The following SAMD12 variants were observed in gnomAD, a reference collection of about 807,000 sequenced individuals.
SAMD12 encodes sterile alpha motif domain containing 12.
SAMD12 carries 9 observed loss-of-function variants against 15.0 expected under a neutral mutation model. The ratio of observed to expected loss-of-function variants is 0.60; its 90% confidence interval spans 0.36 to 1.05. The LOEUF is 1.05. Among genes scored for constraint, SAMD12 ranks in the 50% least tolerant of loss-of-function variants. The pLI is 0.01. For missense variants in SAMD12, 230 were observed against 234.2 expected, an observed-to-expected ratio of 0.98 and a Z score of 0.12; for synonymous variants, 86 against 90.1, an observed-to-expected ratio of 0.96 and a Z score of 0.25.
chr8:118,553,692 T>G (rs1237711581), intron 2 of SAMD12, among the ~76,000 whole-genome samples: 1 of 151,316 alleles, frequency 6.6e-6, no homozygotes, highest in Non-Finnish European at 1.5e-5. Context: ...GGGATCTAAT[T>G]AAACTAAAGA....
intron 2 of SAMD12, among the ~76,000 whole-genome samples, chr8:118,509,497 T>C (rs1384838470): frequency 1.3e-5 from 2 of 152,124 alleles, no homozygotes; most frequent in Admixed American, 6.5e-5. Flanking sequence ...GCTTTGACTC[T>C]GTGGGCAGGA....
chr8:118,143,858 T>G, the SAMD12 span, among the ~76,000 whole-genome samples: 188 of 152,318 alleles, frequency 1.2e-3, no homozygotes, highest in African/African-American at 4.2e-3. Context: ...AGATCCTTGT[T>G]TATTTACTCC....
At chr8:118,363,080 ATTTC>A (rs1409261459) in intron 4 of SAMD12, among the ~76,000 whole-genome samples, 1 of 152,200 alleles carries the variant, frequency 6.6e-6, no homozygotes, top group African/African-American at 2.4e-5. Context: ...TCAAGTGTTA[ATTTC>A]TTTAAGTGCA....
intron 3 of SAMD12, among the ~76,000 whole-genome samples, chr8:118,414,133 T>A (rs533145022): frequency 2.1e-4 from 32 of 152,242 alleles, no homozygotes; most frequent in Non-Finnish European, 4.0e-4. Flanking sequence ...GGTTAACGCA[T>A]GCGTATATAA....
the SAMD12 span, among the ~76,000 whole-genome samples, chr8:118,173,299 C>T: frequency 5.3e-5 from 8 of 151,994 alleles, no homozygotes; most frequent in East Asian, 1.9e-4. Context: ...TTAGGCCTGC[C>T]GCTGTAATGG....
At position 118,614,603 on chromosome 8, in the gene SAMD12, T is replaced by C. The variant is rs143300185; in HGVS notation, c.13+7201A>G. Reference sequence around the variant, plus strand: ...AGCCAATCCACAAACATCTGTCAAATCACTTGAGAGTCAGGATTTGCCGAA... The same window carrying C: ...AGCCAATCCACAAACATCTGTCAAACCACTTGAGAGTCAGGATTTGCCGAA... On this transcript the variant is annotated intron_variant, in intron 1 of 3. Transcript: ENST00000314727. Among the ~76,000 whole-genome samples the C allele has an allele frequency of 7.9e-5, 12 of 152,310 alleles. No individual in the cohort carries two copies. In the East Asian group the frequency reaches 1.9e-3, roughly 24 times the overall value.
At chr8:118,350,871 A>G (rs1817931250) in intron 4 of SAMD12, among the ~76,000 whole-genome samples, 1 of 152,228 alleles carries the variant, frequency 6.6e-6, no homozygotes, top group South Asian at 2.1e-4. Flanking sequence ...AAACAGCCAT[A>G]TTCACAATGG....
chr8:118,320,838 A>ATATATATATAT (rs779268963), intron 4 of SAMD12, among the ~76,000 whole-genome samples: 1 of 136,204 alleles, frequency 7.3e-6, no homozygotes, highest in Non-Finnish European at 1.5e-5. Context: ...TATATATATA[A>ATATATATATAT]AAATCTATAA....
intron 2 of SAMD12, among the ~76,000 whole-genome samples, chr8:118,473,009 C>A (rs1823847383): frequency 6.6e-6 from 1 of 152,178 alleles, no homozygotes; most frequent in Non-Finnish European, 1.5e-5. Context: ...TCCCAGGAGG[C>A]TGACCTCTAC....
At chr8:118,335,586 T>G (rs1012632080) in intron 4 of SAMD12, among the ~76,000 whole-genome samples, 1 of 152,194 alleles carries the variant, frequency 6.6e-6, no homozygotes, top group African/African-American at 2.4e-5. Flanking sequence ...ATCATTAAAG[T>G]GTGTGCCGAA....
chr8:118,156,698 G>T, the SAMD12 span, among the ~76,000 whole-genome samples: 1 of 152,246 alleles, frequency 6.6e-6, no homozygotes, highest in African/African-American at 2.4e-5. Context: ...CAAGGGCAAA[G>T]TTATCATATA....
chr8:118,487,353 T>C (rs1824319215), intron 2 of SAMD12, among the ~76,000 whole-genome samples: 1 of 152,152 alleles, frequency 6.6e-6, no homozygotes, highest in African/African-American at 2.4e-5. Context: ...CTAAGTTTAA[T>C]GAATAAGCAA....
intron 2 of SAMD12, among the ~76,000 whole-genome samples, chr8:118,452,090 C>T (rs1461806375): frequency 6.6e-6 from 1 of 152,150 alleles, no homozygotes; most frequent in African/African-American, 2.4e-5. Flanking sequence ...TCTCTGTCCA[C>T]CACACAGAGG....
At chr8:118,255,829 C>T (rs1812926207) in intron 4 of SAMD12, among the ~76,000 whole-genome samples, 1 of 152,048 alleles carries the variant, frequency 6.6e-6, no homozygotes, top group Non-Finnish European at 1.5e-5. Flanking sequence ...ATGCATGTGT[C>T]TTTATAGCAG....
chr8:118,267,701 TTGTGTGTGTG>T (rs10671962), intron 4 of SAMD12, among the ~76,000 whole-genome samples: 61 of 147,610 alleles, frequency 4.1e-4, no homozygotes, highest in Non-Finnish European at 6.5e-4. Flanking sequence ...TTCCCATCTG[TTGTGTGTGTG>T]TGTGTGTGTG....
chr8:118,423,166 T>C (rs1372420146), intron 3 of SAMD12, among the ~76,000 whole-genome samples: 3 of 152,164 alleles, frequency 2.0e-5, no homozygotes, highest in South Asian at 2.1e-4. Flanking sequence ...TTAAAGGGTA[T>C]TGAATGATAC....
At chr8:118,143,585 C>T in the SAMD12 span, among the ~76,000 whole-genome samples, 2 of 152,116 alleles carry the variant, frequency 1.3e-5, no homozygotes, top group African/African-American at 4.8e-5. Context: ...ATTATAAATA[C>T]CCAGACTGAT....
chr8:118,282,841 T>A (rs1260050111), intron 4 of SAMD12, among the ~76,000 whole-genome samples: 2 of 152,172 alleles, frequency 1.3e-5, no homozygotes, highest in East Asian at 3.8e-4. Flanking sequence ...TTTATATATA[T>A]GTATAGATAT....
intron 2 of SAMD12, among the ~76,000 whole-genome samples, chr8:118,546,931 A>C (rs998373345): frequency 3.9e-5 from 6 of 152,198 alleles, no homozygotes; most frequent in African/African-American, 1.4e-4. Flanking sequence ...TAAGGATACA[A>C]AGATTTCCCT....
Sources: allele counts gnomAD v4.1 joint callset (sites outside exome capture counted in the v4.1 genomes callset), GRCh38; gene constraint gnomAD v4.1.1; transcripts MANE v1.5; gene names NCBI Gene and HGNC (gene_info 2026-07-23, HGNC 2026-07-21).